Variants in PRMT7 observed in about 807,000 individuals in gnomAD.
The protein encoded by PRMT7 is protein arginine N-methyltransferase 7.
Under a neutral mutation model 85.4 loss-of-function variants are expected in PRMT7, and 75 were observed. That is an observed-to-expected ratio of 0.88 (90% CI 0.73 to 1.06). PRMT7 has a LOEUF of 1.06. PRMT7 is among the 50% of genes least tolerant of loss of function. The probability of loss-of-function intolerance (pLI) is 0.00; values close to 1 mark genes in which losing one functional copy is unlikely to be tolerated. For synonymous variants in PRMT7, 397 were observed against 359.5 expected (o/e 1.10, Z -1.18); for missense variants, 868 against 915.2 (o/e 0.95, Z 0.67).
intron 10 of PRMT7, 130 bp from the exon 11 acceptor site, chr16:68,346,015 A>G: frequency 1.4e-6 from 2 of 1,435,846 alleles, no homozygotes; most frequent in Non-Finnish European, 1.9e-6. Flanking sequence ...GCAGATGCGT[A>G]GGAAAAGTCT....
At chr16:68,320,608 C>A (rs1050000600) in intron 3 of PRMT7, among the ~76,000 whole-genome samples, 1 of 152,158 alleles carries the variant, frequency 6.6e-6, no homozygotes, top group Non-Finnish European at 1.5e-5. Flanking sequence ...CCACGACCTT[C>A]AGTGTGGGCA....
Position 68,339,854 on chromosome 16 carries a change from A to T in PRMT7, c.813A>T (p.Thr271=), listed in dbSNP as rs1190028215. The T allele has an allele frequency of 1.2e-6, 2 of 1,614,226 alleles. No individual in the cohort carries two copies. Among genetic ancestry groups the T allele is most frequent in the East Asian group, 4.5e-5 (2 of 44,880 alleles). Residue 271 remains threonine, a synonymous_variant, in exon 9 of 19, where the codon ACA becomes ACT. Transcript: ENST00000441236. Reference sequence around the variant, plus strand: ...ATAGCAGGCGGTTTGAACCTCTGACATCTGGCCGAGCTCAGGTGGTTCTCT... The same window carrying T: ...ATAGCAGGCGGTTTGAACCTCTGACTTCTGGCCGAGCTCAGGTGGTTCTCT... ...ACHSRRFEPL[T]SGRAQVVLSW... is the part of the protein sequence containing the mutation.
intron 6 of PRMT7, among the ~76,000 whole-genome samples, chr16:68,331,923 T>C (rs1468839289): frequency 6.6e-6 from 1 of 152,254 alleles, no homozygotes; most frequent in Non-Finnish European, 1.5e-5. Context: ...ATCTTTGTTT[T>C]TTCTGGGTTT....
At chr16:68,356,640 C>T (rs2088566409) in intron 17 of PRMT7, 61 bp from the exon 18 acceptor site, 1 of 1,327,954 alleles carries the variant, frequency 7.5e-7, no homozygotes, top group African/African-American at 1.5e-5. Context: ...GCAGGAGCTG[C>T]AGCTGTTCCC....
In PRMT7 at chr16:68,356,802, T is replaced by C. The variant is rs754832178; in HGVS notation, c.1908+5T>C. 6.2e-7 allele frequency: 1 copy of C among 1,602,968 alleles called. No homozygotes were observed. The highest frequency in any genetic ancestry group is 8.5e-7 in the Non-Finnish European group (1 of 1,175,968). ...CTGGAGCCTGCAGACCCCGAGGTAG[T>C]GCCTGCGCACCGGGCCCAGTGTGCG... is the stretch of plus-strand genomic sequence containing the variant. On this transcript the variant is annotated splice_donor_5th_base_variant and intron_variant, in intron 18 of 18. Coordinates refer to ENST00000441236, the MANE Select transcript of PRMT7 (RefSeq NM_019023.5).
chr16:68,339,039 C>T (rs946358031), intron 7 of PRMT7, among the ~76,000 whole-genome samples: 1 of 152,152 alleles, frequency 6.6e-6, no homozygotes, highest in African/African-American at 2.4e-5. Flanking sequence ...AGGATCACCA[C>T]CCAGCAGCAG....
intron 9 of PRMT7, among the ~76,000 whole-genome samples, chr16:68,343,622 C>T (rs2085875069): frequency 6.6e-6 from 1 of 152,136 alleles, no homozygotes; most frequent in South Asian, 2.1e-4. Flanking sequence ...CAGGGCAGTG[C>T]CATGGGAGCC....
At chr16:68,324,955 A>T in intron 5 of PRMT7, 123 bp downstream of exon 5, 1 of 1,306,796 alleles carries the variant, frequency 7.7e-7, no homozygotes, top group South Asian at 1.3e-5. Flanking sequence ...CCAAGCACAG[A>T]GCCAGGCTCT....
chr16:68,352,208 C>A, intron 14 of PRMT7, 40 bp from the exon 15 acceptor site: 1 of 1,602,952 alleles, frequency 6.2e-7, no homozygotes, highest in Non-Finnish European at 8.5e-7. Context: ...TGGACCGAGC[C>A]CTACTGACAC....
intron 5 of PRMT7, chr16:68,328,514 A>C (rs898282059): frequency 1.3e-5 from 2 of 150,092 alleles, no homozygotes; most frequent in African/African-American, 4.9e-5. Context: ...TGTATAGCAA[A>C]AAAAAAAAAA....
Position 68,330,751 on chromosome 16 carries a change from T to A in PRMT7, c.391+1577T>A, listed in dbSNP as rs567261173. ...CTGGGATTACAGGCGTGCACCACCATGCCTGGCTAATTTTTGTATTTTTAG... is the reference window on the plus strand; with the variant it reads ...CTGGGATTACAGGCGTGCACCACCAAGCCTGGCTAATTTTTGTATTTTTAG... On this transcript the variant is annotated intron_variant, in intron 6 of 18. Coordinates refer to ENST00000441236, the MANE Select transcript of PRMT7 (RefSeq NM_019023.5). Among the ~76,000 whole-genome samples the A allele has an allele frequency of 3.9e-5, 6 of 152,134 alleles. 1 individual carries two copies. The South Asian group carries it at 1.2e-3, about 32-fold the overall frequency.
chr16:68,355,640 C>T (rs2088270984), intron 16 of PRMT7, 83 bp from the exon 17 acceptor site: 1 of 1,358,944 alleles, frequency 7.4e-7, no homozygotes. Flanking sequence ...TGACTGCAGT[C>T]AGTGGGAGCC....
chr16:68,355,706 C>T lies in PRMT7; in HGVS notation c.1651-17C>T. On this transcript the variant is annotated splice_polypyrimidine_tract_variant and intron_variant, in intron 16 of 18. Transcript: ENST00000441236. ...CCGGCCTGTCTCTGCAGCCCCCAGG[C>T]CCCCTTCTGTTCGCAGCGTGCCCTG... is the stretch of plus-strand genomic sequence containing the variant. 4 of 1,550,926 alleles carry T rather than the reference C, an allele frequency of 2.6e-6. No homozygotes were observed. The highest frequency in any genetic ancestry group is 1.4e-5 in the African/African-American group (1 of 73,248).
chr16:68,349,851 TGGCAGAG>T (rs1365899911), intron 14 of PRMT7, among the ~76,000 whole-genome samples: 2 of 152,176 alleles, frequency 1.3e-5, no homozygotes, highest in African/African-American at 4.8e-5. Context: ...GCCGTGCTTG[TGGCAGAG>T]CACTACAGCA....
In PRMT7 at chr16:68,312,102, A is replaced by T. The variant is rs868221110; in HGVS notation, c.-158A>T. 1.7e-4 allele frequency: 26 copies of T among 150,960 alleles called. No homozygotes were observed. Among genetic ancestry groups the T allele is most frequent in the African/African-American group, 6.1e-4 (25 of 40,962 alleles). The allele number at this position is 150,960 out of a possible 1,614,324, so 9.4% of individuals were successfully genotyped here. ...GTGATCGAGGCGCACTGCAGCCTTG[A>T]CCTCCTGGGCTCAAGCGATCCTCAC... is the stretch of plus-strand genomic sequence containing the variant. On this transcript the variant is annotated 5_prime_UTR_variant, in exon 2 of 19. Transcript: ENST00000441236.
chr16:68,346,199 T>C lies in PRMT7; in HGVS notation c.1110T>C (p.Ala370=). 6.2e-7 allele frequency: 1 copy of C among 1,614,134 alleles called. No individual in the cohort carries two copies. Among genetic ancestry groups the C allele is most frequent in the Non-Finnish European group, 8.5e-7 (1 of 1,180,038 alleles). The change falls in exon 11 of 19, where the codon GCT becomes GCC. Residue 370 remains alanine, a synonymous_variant. Coordinates refer to ENST00000441236, the MANE Select transcript of PRMT7 (RefSeq NM_019023.5). ...TGCGCCCCGTGTGTGACTGCCAGGC[T>C]CACCTGCTCTGGAACCGGCCTCGGT... ...RQMRPVCDCQ[A]HLLWNRPRFG...
rs1033540334 is a variant in PRMT7, at chr16:68,357,094, A to C, written c.1949A>C (p.Tyr650Ser). 2 of 1,613,214 alleles carry C rather than the reference A, an allele frequency of 1.2e-6. No homozygotes were observed. The highest frequency in any genetic ancestry group is 1.1e-5 in the South Asian group (1 of 91,014). Reference sequence around the variant, plus strand: ...AACCCCCACTGCAAGCAGGCCGTCTACTTCTTCAGCCCTGCCCCAGATCCC... The same window carrying C: ...AACCCCCACTGCAAGCAGGCCGTCTCCTTCTTCAGCCCTGCCCCAGATCCC... Reference protein sequence around the residue: ...CWNPHCKQAVYFFSPAPDPRA... With the variant: ...CWNPHCKQAVSFFSPAPDPRA... Residue 650 changes from tyrosine (Y) to serine (S), a missense_variant, in exon 19 of 19, where the codon TAC becomes TCC. Transcript: ENST00000441236.
chr16:68,331,726 A>G (rs1330960922), intron 6 of PRMT7, among the ~76,000 whole-genome samples: 3 of 152,172 alleles, frequency 2.0e-5, no homozygotes, highest in African/African-American at 4.8e-5. Flanking sequence ...CTCCCACCTC[A>G]GCATCCCAAA....
intron 6 of PRMT7, among the ~76,000 whole-genome samples, chr16:68,337,168 C>T (rs1597334679): frequency 6.6e-6 from 1 of 152,256 alleles, no homozygotes; most frequent in Non-Finnish European, 1.5e-5. Flanking sequence ...TGCAGTCTCC[C>T]TCCCAATATT....
Sources: allele counts gnomAD v4.1 joint callset (sites outside exome capture counted in the v4.1 genomes callset), GRCh38; gene constraint gnomAD v4.1.1; transcripts MANE v1.5; gene names NCBI Gene and HGNC (gene_info 2026-07-23, HGNC 2026-07-21).